The following SNX7 variants were observed in gnomAD, a reference collection of about 807,000 sequenced individuals.
The protein encoded by SNX7 is sorting nexin-7.
In SNX7, 35 loss-of-function variants were observed where a neutral mutation model predicts 48.4. The observed-to-expected ratio is 0.72, with a 90% CI of 0.55 to 0.96. The LOEUF (loss-of-function observed/expected upper bound fraction) is 0.96. SNX7 is among the 40% of genes least tolerant of loss of function. SNX7 has a pLI of 0.00. For missense variants in SNX7, 553 were observed against 548.9 expected (o/e 1.01, Z -0.07); for synonymous variants, 190 against 190.2 (o/e 1.00, Z 0.01).
intron 6 of SNX7, among the ~76,000 whole-genome samples, chr1:98,700,426 G>A (rs1003784833): frequency 1.3e-5 from 2 of 152,100 alleles, no homozygotes; most frequent in African/African-American, 4.8e-5. Context: ...GTCAAAGAAA[G>A]GAAGGGCTTT....
intron 7 of SNX7, among the ~76,000 whole-genome samples, chr1:98,728,093 T>G (rs1653286185): frequency 6.6e-6 from 1 of 152,054 alleles, no homozygotes; most frequent in South Asian, 2.1e-4. Context: ...CTTCAGATTC[T>G]CCAAGGTCAA....
intron 8 of SNX7, among the ~76,000 whole-genome samples, chr1:98,745,454 C>A (rs569641447): frequency 6.6e-6 from 1 of 152,018 alleles, no homozygotes; most frequent in African/African-American, 2.4e-5. Flanking sequence ...GACCTAAACC[C>A]TAGACCTCAG....
At chr1:98,706,826 A>G (rs763718913) in intron 7 of SNX7, among the ~76,000 whole-genome samples, 1 of 152,142 alleles carries the variant, frequency 6.6e-6, no homozygotes, top group Non-Finnish European at 1.5e-5. Flanking sequence ...TTTTAGACAG[A>G]GCAACTGGAA....
chr1:98,699,676 C>G (rs1030142842), intron 6 of SNX7, among the ~76,000 whole-genome samples: 2 of 151,594 alleles, frequency 1.3e-5, no homozygotes, highest in Non-Finnish European at 2.9e-5. Flanking sequence ...CCCTTGATTT[C>G]TAGAGATTTC....
intron 2 of SNX7, among the ~76,000 whole-genome samples, chr1:98,688,429 G>A (rs779824847): frequency 3.3e-5 from 5 of 152,140 alleles, no homozygotes; most frequent in Non-Finnish European, 7.4e-5. Flanking sequence ...GTACATATAA[G>A]AGTAAGAATG....
Position 98,738,357 on chromosome 1 carries a change from A to G in SNX7, c.1246A>G (p.Met416Val). The change falls in exon 8 of 9, where the codon ATG (methionine) becomes GTG (valine). Residue 416 changes from methionine to valine, a missense_variant. Coordinates refer to ENST00000306121, the MANE Select transcript of SNX7 (RefSeq NM_015976.5). The stretch of plus-strand genomic sequence containing the variant: ...TGATATCAAGTTAGCATTTACAGAT[A>G]TGGCTGAGGAGAATATCCATTATTA... ...QNDIKLAFTD[M>V]AEENIHYYEQ... 3 of 1,613,452 alleles carry G rather than the reference A, an allele frequency of 1.9e-6. No individual in the cohort carries two copies. The highest frequency in any genetic ancestry group is 2.5e-6 in the Non-Finnish European group (3 of 1,179,616).
At chr1:98,746,556 A>G (rs534598016) in intron 8 of SNX7, among the ~76,000 whole-genome samples, 1 of 152,208 alleles carries the variant, frequency 6.6e-6, no homozygotes, top group East Asian at 1.9e-4. Flanking sequence ...TTCTCTAGAA[A>G]ACAGGGAAAA....
chr1:98,756,383 C>T (rs1019462072), intron 8 of SNX7, among the ~76,000 whole-genome samples: 2 of 127,964 alleles, frequency 1.6e-5, no homozygotes, highest in African/African-American at 2.9e-5. Flanking sequence ...GTTTATAGAT[C>T]CATATTTCTA....
At chr1:98,687,999 A>C (rs1293281480) in intron 2 of SNX7, among the ~76,000 whole-genome samples, 1 of 152,212 alleles carries the variant, frequency 6.6e-6, no homozygotes, top group East Asian at 1.9e-4. Flanking sequence ...GGATTATTAC[A>C]ATTCAAGATG....
At chr1:98,679,647 G>A (rs1488217637) in intron 1 of SNX7, among the ~76,000 whole-genome samples, 2 of 152,144 alleles carry the variant, frequency 1.3e-5, no homozygotes, top group Non-Finnish European at 2.9e-5. Context: ...GGAGAAATTG[G>A]CCAAAACAAA....
chr1:98,674,065 G>T (rs1650023497), intron 1 of SNX7, among the ~76,000 whole-genome samples: 1 of 152,106 alleles, frequency 6.6e-6, no homozygotes. Context: ...TCATCTAATT[G>T]CATTAAAGGA....
chr1:98,708,004 A>G lies in SNX7; in HGVS notation c.1125+6101A>G, dbSNP rs146944102. Among the ~76,000 whole-genome samples the G allele has an allele frequency of 1.2e-3, 180 of 152,336 alleles. 1 individual carries two copies. The highest frequency in any genetic ancestry group is 2.5e-3 in the South Asian group (12 of 4,830). ...TCTCTCTCTAATTCTAGGAAGCTTT[A>G]AAGAAATAATTTTGACATAGCAAGC... On this transcript the variant is annotated intron_variant, in intron 7 of 8. Coordinates refer to ENST00000306121, the MANE Select transcript of SNX7 (RefSeq NM_015976.5).
chr1:98,718,441 A>C (rs1236232705), intron 7 of SNX7, among the ~76,000 whole-genome samples: 1 of 152,086 alleles, frequency 6.6e-6, no homozygotes, highest in East Asian at 1.9e-4. Flanking sequence ...GTGTCCCTAC[A>C]AATATTACTT....
At chr1:98,699,589 A>G (rs992182298) in intron 6 of SNX7, among the ~76,000 whole-genome samples, 3 of 152,174 alleles carry the variant, frequency 2.0e-5, no homozygotes, top group African/African-American at 7.2e-5. Context: ...TGATGGGGAC[A>G]GGAGTCAGCT....
chr1:98,704,704 T>C (rs76113039), intron 7 of SNX7, among the ~76,000 whole-genome samples: 1 of 152,248 alleles, frequency 6.6e-6, no homozygotes, highest in East Asian at 1.9e-4. Flanking sequence ...GCCTGGTTGT[T>C]TACCATGGCA....
intron 1 of SNX7, among the ~76,000 whole-genome samples, chr1:98,675,726 T>C (rs1274445679): frequency 1.3e-5 from 2 of 152,200 alleles, no homozygotes; most frequent in Non-Finnish European, 2.9e-5. Context: ...TACAGTGGTT[T>C]TTGAGAGAGA....
At chr1:98,755,200 A>G (rs570517548) in intron 8 of SNX7, among the ~76,000 whole-genome samples, 1 of 152,284 alleles carries the variant, frequency 6.6e-6, no homozygotes, top group Non-Finnish European at 1.5e-5. Context: ...AAATTTATCA[A>G]GACTTATTGT....
In SNX7 at chr1:98,735,657, A is replaced by G. The variant is rs141576785; in HGVS notation, c.1126-2580A>G. ...TGATGGTGATGATGGTGGTGAGAAC[A>G]TTTAGTAGGCAAATTTTCAGGCCCT... On this transcript the variant is annotated intron_variant, in intron 7 of 8. Coordinates refer to ENST00000306121, the MANE Select transcript of SNX7 (RefSeq NM_015976.5). Among the ~76,000 whole-genome samples the G allele has an allele frequency of 1.6e-3, 237 of 152,282 alleles. 1 individual carries two copies. The highest frequency in any genetic ancestry group is 3.4e-3 in the Middle Eastern group (1 of 294).
At chr1:98,714,345 T>G (rs1004934580) in intron 7 of SNX7, among the ~76,000 whole-genome samples, 17 of 152,182 alleles carry the variant, frequency 1.1e-4, no homozygotes, top group African/African-American at 4.1e-4. Context: ...TTTGTTCCCA[T>G]TTTTGTGGAC....
Sources: allele counts gnomAD v4.1 joint callset (sites outside exome capture counted in the v4.1 genomes callset), GRCh38; gene constraint gnomAD v4.1.1; transcripts MANE v1.5; gene names NCBI Gene and HGNC (gene_info 2026-07-23, HGNC 2026-07-21).